The following BNC2 variants were observed in gnomAD, a reference collection of about 807,000 sequenced individuals.
BNC2 encodes basonuclin zinc finger protein 2.
A neutral mutation model predicts 76.3 loss-of-function variants in BNC2; 20 were observed. The ratio of observed to expected loss-of-function variants is 0.26; its 90% confidence interval spans 0.18 to 0.38. The LOEUF (loss-of-function observed/expected upper bound fraction) is 0.38. Ranked by LOEUF, BNC2 falls within the 10% of genes least tolerant of loss-of-function variation. BNC2 has a pLI of 1.00. For synonymous variants in BNC2, 582 were observed against 514.8 expected (o/e 1.13, Z -1.77); for missense variants, 1,382 against 1,399.8 (o/e 0.99, Z 0.20).
At chr9:16,643,316 A>G (rs2133871596) in intron 3 of BNC2, among the ~76,000 whole-genome samples, 1 of 151,986 alleles carries the variant, frequency 6.6e-6, no homozygotes, top group East Asian at 1.9e-4. Flanking sequence ...AAAAAAAAAA[A>G]AAAAAATGAG....
chr9:16,727,691 T>C, intron 3 of BNC2, 106 bp downstream of exon 3: 2 of 1,002,796 alleles, frequency 2.0e-6, no homozygotes, highest in Non-Finnish European at 3.0e-6. Context: ...AGTGACCACA[T>C]TTTAAAAAGT....
intron 5 of BNC2, among the ~76,000 whole-genome samples, chr9:16,502,761 G>C (rs1822547405): frequency 6.6e-6 from 1 of 152,156 alleles, no homozygotes; most frequent in Non-Finnish European, 1.5e-5. Flanking sequence ...CATTTCAAAA[G>C]ATTGTATCAA....
intron 1 of BNC2, among the ~76,000 whole-genome samples, chr9:16,773,241 C>T (rs1365387007): frequency 6.6e-6 from 1 of 152,164 alleles, no homozygotes; most frequent in East Asian, 1.9e-4. Flanking sequence ...AACTCCAGAT[C>T]ATACAGTGAG....
intron 5 of BNC2, among the ~76,000 whole-genome samples, chr9:16,544,305 G>A (rs1818407502): frequency 6.6e-6 from 1 of 152,030 alleles, no homozygotes; most frequent in Admixed American, 6.6e-5. Flanking sequence ...TTCTGCTCCA[G>A]AAATTTCCTA....
intron 1 of BNC2, among the ~76,000 whole-genome samples, chr9:16,794,782 C>G (rs1184973245): frequency 1.3e-5 from 2 of 152,082 alleles, no homozygotes; most frequent in Admixed American, 6.6e-5. Context: ...GGGTTTAGAC[C>G]TCTCAATCAC....
At chr9:16,834,609 A>G (rs1012567651) in intron 1 of BNC2, among the ~76,000 whole-genome samples, 1 of 152,152 alleles carries the variant, frequency 6.6e-6, no homozygotes, top group Admixed American at 6.5e-5. Context: ...CTTGAAGCCA[A>G]TGTTTGCCTT....
Position 16,435,650 on chromosome 9 carries a change from C to T in BNC2, c.2544G>A (p.Val848=). The T allele has an allele frequency of 6.2e-7, 1 of 1,614,178 alleles. No homozygotes were observed. The highest frequency in any genetic ancestry group is 8.5e-7 in the Non-Finnish European group (1 of 1,180,032). Reference sequence around the variant, plus strand: ...AGTGAACGTTCCTGTAGTGAAGTTTCACACTGTAGGAGCTTTTGAAACTCT... The same window carrying T: ...AGTGAACGTTCCTGTAGTGAAGTTTTACACTGTAGGAGCTTTTGAAACTCT... ...CKKSFKSSYS[V]KLHYRNVHLK... Residue 848 remains valine (V), a synonymous_variant, in exon 6 of 7, where the codon GTG becomes GTA. Coordinates refer to ENST00000380672, the MANE Select transcript of BNC2 (RefSeq NM_017637.6).
chr9:16,755,460 C>T (rs748221438), intron 1 of BNC2, among the ~76,000 whole-genome samples: 1 of 152,136 alleles, frequency 6.6e-6, no homozygotes, highest in East Asian at 1.9e-4. Context: ...ATGAAAGTGT[C>T]GACCACTGCT....
intron 1 of BNC2, among the ~76,000 whole-genome samples, chr9:16,847,604 A>G (rs1284384208): frequency 6.6e-6 from 1 of 152,230 alleles, no homozygotes; most frequent in Non-Finnish European, 1.5e-5. Context: ...TATACAAGGT[A>G]GTATAACTTA....
intron 3 of BNC2, among the ~76,000 whole-genome samples, chr9:16,638,277 T>C (rs1168872065): frequency 6.6e-6 from 1 of 152,200 alleles, no homozygotes; most frequent in Non-Finnish European, 1.5e-5. Flanking sequence ...ATAAAAATGT[T>C]GAAAATACAT....
At chr9:16,424,202 C>T (rs1457031698) in intron 6 of BNC2, among the ~76,000 whole-genome samples, 1 of 151,090 alleles carries the variant, frequency 6.6e-6, no homozygotes, top group Non-Finnish European at 1.5e-5. Context: ...AACAAAAACA[C>T]TATCTAAAGA....
chr9:16,781,261 G>A (rs578063751), intron 1 of BNC2, among the ~76,000 whole-genome samples: 4 of 16,240 alleles, frequency 2.5e-4, no homozygotes, highest in African/African-American at 9.1e-4. Context: ...GGGCTGGACT[G>A]ATATTGGAGG....
intron 3 of BNC2, among the ~76,000 whole-genome samples, chr9:16,650,891 G>A (rs938496479): frequency 6.6e-6 from 1 of 152,050 alleles, no homozygotes; most frequent in Non-Finnish European, 1.5e-5. Context: ...TGTAAATATT[G>A]ACATGTGCTA....
intron 1 of BNC2, among the ~76,000 whole-genome samples, chr9:16,763,793 C>T (rs1166066826): frequency 6.6e-6 from 1 of 152,090 alleles, no homozygotes; most frequent in Non-Finnish European, 1.5e-5. Context: ...ATGAACACAA[C>T]ACACCCCGCA....
intron 3 of BNC2, among the ~76,000 whole-genome samples, chr9:16,648,416 A>G (rs1293748215): frequency 6.6e-6 from 1 of 152,234 alleles, no homozygotes; most frequent in Non-Finnish European, 1.5e-5. Flanking sequence ...GTGATTGAGA[A>G]CACATCCAGG....
At chr9:16,869,849 A>T (rs1819633581) in intron 1 of BNC2, among the ~76,000 whole-genome samples, 1 of 151,880 alleles carries the variant, frequency 6.6e-6, no homozygotes, top group Admixed American at 6.6e-5. Flanking sequence ...TCAACCTTAA[A>T]CTCACTTCAC....
At chr9:16,514,687 GTAA>G (rs1218848919) in intron 5 of BNC2, among the ~76,000 whole-genome samples, 2 of 152,000 alleles carry the variant, frequency 1.3e-5, no homozygotes, top group Non-Finnish European at 2.9e-5. Flanking sequence ...TTTTTGAATT[GTAA>G]TAATAACATT....
chr9:16,524,585 G>T (rs1257311854), intron 5 of BNC2, among the ~76,000 whole-genome samples: 1 of 151,924 alleles, frequency 6.6e-6, no homozygotes, highest in Non-Finnish European at 1.5e-5. Flanking sequence ...TTGCTAAATA[G>T]GACTCTGATG....
chr9:16,753,725 T>C (rs1825290061), intron 1 of BNC2, among the ~76,000 whole-genome samples: 2 of 152,228 alleles, frequency 1.3e-5, no homozygotes, highest in South Asian at 4.1e-4. Context: ...CTCTGAAGCT[T>C]CATAAATATT....
Sources: gnomAD v4.1 joint callset for allele counts (sites outside exome capture counted in the v4.1 genomes callset) on GRCh38, gnomAD v4.1.1 for gene constraint, MANE v1.5 for transcripts, NCBI Gene and HGNC (gene_info 2026-07-23, HGNC 2026-07-21) for gene names.